IL17F: variants seen among roughly 807,000 people sequenced by gnomAD.
IL17F encodes the protein interleukin 17F.
A neutral mutation model predicts 8.3 loss-of-function variants in IL17F; 6 were observed. The observed-to-expected ratio is 0.73, with a 90% CI of 0.40 to 1.43. IL17F has a LOEUF of 1.43. Ranked by LOEUF, IL17F falls within the 40% of genes most tolerant of loss-of-function variation. The probability of loss-of-function intolerance (pLI) is 0.02; values close to 1 mark genes in which losing one functional copy is unlikely to be tolerated. For missense variants in IL17F, 204 were observed against 209.6 expected (o/e 0.97, Z 0.17); for synonymous variants, 98 against 81.6 (o/e 1.20, Z -1.08).
intron 1 of IL17F, among the ~76,000 whole-genome samples, chr6:52,242,900 CAGAGT>C (rs1487200578): frequency 6.6e-6 from 1 of 152,158 alleles, no homozygotes; most frequent in Non-Finnish European, 1.5e-5. Flanking sequence ...TCTGCCAGTA[CAGAGT>C]ATAGACTCAT....
intron 1 of IL17F, among the ~76,000 whole-genome samples, chr6:52,243,943 G>C (rs569910835): frequency 1.3e-5 from 2 of 152,258 alleles, no homozygotes; most frequent in East Asian, 3.9e-4. Flanking sequence ...TGTATTTTTA[G>C]TAGAGACAGG....
At chr6:52,242,990 G>T (rs893292870) in intron 1 of IL17F, among the ~76,000 whole-genome samples, 1 of 152,136 alleles carries the variant, frequency 6.6e-6, no homozygotes, top group Non-Finnish European at 1.5e-5. Context: ...CCACCATACA[G>T]TTGAGGAAAC....
At chr6:52,243,193 C>G (rs1054566509) in intron 1 of IL17F, among the ~76,000 whole-genome samples, 1 of 152,136 alleles carries the variant, frequency 6.6e-6, no homozygotes, top group Non-Finnish European at 1.5e-5. Flanking sequence ...TTATGATATT[C>G]AAGCTCTTTT....
In IL17F at chr6:52,236,818, T is replaced by TA. The variant is rs1335735025; in HGVS notation, c.*112dup. The TA allele has an allele frequency of 2.4e-6, 2 of 830,606 alleles. No individual in the cohort carries two copies. Among genetic ancestry groups the TA allele is most frequent in the African/African-American group, 3.3e-5 (2 of 60,024 alleles). The allele number at this position is 830,606 out of a possible 1,614,324, so 51.5% of individuals were successfully genotyped here. On this transcript the variant is annotated 3_prime_UTR_variant, in exon 3 of 3. Coordinates refer to ENST00000336123, the MANE Select transcript of IL17F (RefSeq NM_052872.4). ...TTTCTGTTTCCATCCGTGCAGGTCT[T>TA]ATTAAGAGTCCTGTGAAGTGGAGGG...
chr6:52,244,410 T>G lies in IL17F; in HGVS notation c.20A>C (p.His7Pro). The G allele has an allele frequency of 1.2e-6, 2 of 1,614,082 alleles. No individual in the cohort carries two copies. Among genetic ancestry groups the G allele is most frequent in the Admixed American group, 3.3e-5 (2 of 60,014 alleles). Residue 7 changes from histidine to proline, a missense_variant, in exon 1 of 3, where the codon CAT becomes CCT. Transcript: ENST00000336123. MTVKTL[H>P]GPAMVKYLLL... ...GCTGCTACTCACCATGGCTGGGCCATGCAGGGTCTTCACTGTCATGTTGCG... is the reference window on the plus strand; with the variant it reads ...GCTGCTACTCACCATGGCTGGGCCAGGCAGGGTCTTCACTGTCATGTTGCG...
chr6:52,237,687 C>A (rs1763990447), intron 2 of IL17F, among the ~76,000 whole-genome samples: 1 of 151,918 alleles, frequency 6.6e-6, no homozygotes. Flanking sequence ...GCATAAAGAC[C>A]ACAACATTTA....
In IL17F at chr6:52,238,891, C is replaced by A; in HGVS notation, c.93G>T (p.Arg31=). The A allele has an allele frequency of 6.2e-7, 1 of 1,613,944 alleles. No individual in the cohort carries two copies. Among genetic ancestry groups the A allele is most frequent in the Non-Finnish European group, 8.5e-7 (1 of 1,179,922 alleles). ...GLAFLSEAAA[R]KIPKVGHTFF... is the part of the protein sequence containing the mutation. ...AAGTATGTCCTACTTTGGGGATTTTCCGAGCTGCCGCCTCACTCAGAAAGG... is the reference window on the plus strand; with the variant it reads ...AAGTATGTCCTACTTTGGGGATTTTACGAGCTGCCGCCTCACTCAGAAAGG... The change falls in exon 2 of 3, where the codon CGG becomes CGT. Residue 31 remains arginine (R), a synonymous_variant. Coordinates refer to ENST00000336123, the MANE Select transcript of IL17F (RefSeq NM_052872.4).
intron 1 of IL17F, among the ~76,000 whole-genome samples, chr6:52,241,395 T>A (rs1055081904): frequency 5.9e-5 from 9 of 152,000 alleles, no homozygotes; most frequent in Admixed American, 2.0e-4. Flanking sequence ...ACTTTTTTTT[T>A]AAAAGATGCC....
intron 1 of IL17F, among the ~76,000 whole-genome samples, chr6:52,243,798 T>C (rs1764111432): frequency 1.3e-5 from 2 of 152,302 alleles, no homozygotes; most frequent in East Asian, 1.9e-4. Context: ...AGTCTCGCTA[T>C]GTCACCCAGG....
chr6:52,244,343 T>C, intron 1 of IL17F, 54 bp downstream of exon 1: 1 of 1,553,384 alleles, frequency 6.4e-7, no homozygotes, highest in Non-Finnish European at 8.9e-7. Context: ...GGATTCTGTT[T>C]TCTGAAATCC....
intron 2 of IL17F, 32 bp from the exon 3 acceptor site, chr6:52,237,200 G>A: frequency 1.3e-6 from 2 of 1,534,578 alleles, no homozygotes; most frequent in Non-Finnish European, 1.8e-6. Flanking sequence ...GCACAATGGT[G>A]AGGCATGGGG....
At chr6:52,239,534 TCTC>T (rs1764033035) in intron 1 of IL17F, among the ~76,000 whole-genome samples, 1 of 152,160 alleles carries the variant, frequency 6.6e-6, no homozygotes, top group Non-Finnish European at 1.5e-5. Context: ...TCAGATGTGA[TCTC>T]CTCTAAGAAC....
chr6:52,240,266 G>A (rs1249623710), intron 1 of IL17F, among the ~76,000 whole-genome samples: 1 of 151,830 alleles, frequency 6.6e-6, no homozygotes, highest in Non-Finnish European at 1.5e-5. Context: ...GTGAAACCTC[G>A]TCTCTACTAA....
rs1386838144 is a variant in IL17F at position 52,236,774 on chromosome 6, A to G, written c.*157T>C. 1.4e-6 allele frequency: 1 copy of G among 730,818 alleles called. No homozygotes were observed. Among genetic ancestry groups the G allele is most frequent in the East Asian group, 2.5e-5 (1 of 40,272 alleles). The allele number at this position is 730,818 out of a possible 1,614,324, so 45.3% of individuals were successfully genotyped here. ...ATCAAATATAAAGTGTAGTACATAC[A>G]CACATACATTGTGAATATTTTCTGT... On this transcript the variant is annotated 3_prime_UTR_variant, in exon 3 of 3. Transcript: ENST00000336123.
chr6:52,238,959 T>C lies in IL17F; in HGVS notation c.34-9A>G, dbSNP rs776708534. The C allele has an allele frequency of 1.9e-6, 3 of 1,611,208 alleles. No homozygotes were observed. The highest frequency in any genetic ancestry group is 2.5e-6 in the Non-Finnish European group (3 of 1,178,688). On this transcript the variant is annotated splice_polypyrimidine_tract_variant and intron_variant, in intron 1 of 2. Coordinates refer to ENST00000336123, the MANE Select transcript of IL17F (RefSeq NM_052872.4). ...AGCAGCAAGTACTTGACCTGGAAAATAGAAGACGCTGCAATCAGTTAGAGA... is the reference window on the plus strand; with the variant it reads ...AGCAGCAAGTACTTGACCTGGAAAACAGAAGACGCTGCAATCAGTTAGAGA...
At chr6:52,244,054 C>T (rs1013666955) in intron 1 of IL17F, among the ~76,000 whole-genome samples, 22 of 151,952 alleles carry the variant, frequency 1.4e-4, no homozygotes, top group Admixed American at 7.9e-4. Context: ...CCACCAGGCT[C>T]GACCTAATTT....
intron 1 of IL17F, among the ~76,000 whole-genome samples, chr6:52,244,134 A>T (rs1419204564): frequency 1.3e-5 from 2 of 151,710 alleles, no homozygotes; most frequent in Non-Finnish European, 2.9e-5. Flanking sequence ...AACTCATGTG[A>T]CCCGCCCGCC....
chr6:52,240,438 GAAAA>G (rs34052816), intron 1 of IL17F, among the ~76,000 whole-genome samples: 3 of 96,364 alleles, frequency 3.1e-5, no homozygotes, highest in Admixed American at 2.6e-4. Context: ...CTCCTGCTTG[GAAAA>G]AAAAAAAAAA....
intron 1 of IL17F, among the ~76,000 whole-genome samples, chr6:52,243,990 C>T (rs1228402276): frequency 6.6e-6 from 1 of 152,108 alleles, no homozygotes; most frequent in African/African-American, 2.4e-5. Flanking sequence ...AACCCCTGAC[C>T]TCAAGTGATC....
Sources: allele counts gnomAD v4.1 joint callset (sites outside exome capture counted in the v4.1 genomes callset), GRCh38; gene constraint gnomAD v4.1.1; transcripts MANE v1.5; gene names NCBI Gene and HGNC (gene_info 2026-07-23, HGNC 2026-07-21).